MED12L: variants seen among roughly 807,000 people sequenced by gnomAD.
The protein encoded by MED12L is mediator complex subunit 12L, also known as mediator of RNA polymerase II transcription subunit 12-like protein.
A neutral mutation model predicts 281.3 loss-of-function variants in MED12L; 60 were observed. The ratio of observed to expected loss-of-function variants is 0.21; its 90% CI spans 0.17 to 0.26. MED12L has a LOEUF of 0.26. Ranked by LOEUF, MED12L falls within the 10% of genes least tolerant of loss-of-function variation. The pLI, the probability that MED12L is intolerant of heterozygous loss-of-function variation, is 1.00. For missense variants in MED12L, 2,146 were observed against 2,680.9 expected (o/e 0.80, Z 4.41); for synonymous variants, 974 against 987.2 (o/e 0.99, Z 0.25).
intron 39 of MED12L, among the ~76,000 whole-genome samples, chr3:151,398,981 C>T (rs1035186300): frequency 2.6e-5 from 4 of 152,098 alleles, no homozygotes; most frequent in Admixed American, 1.3e-4. Context: ...CACCTGTTTT[C>T]GGACTGCAGT....
At position 151,384,150 on chromosome 3, in the gene MED12L, T is replaced by A. The variant is rs779442885; in HGVS notation, c.4858T>A (p.Ser1620Thr). The change falls in exon 35 of 45, where the codon TCA becomes ACA. Residue 1620 changes from serine to threonine, a missense_variant. By Grantham distance (58) the Ser-to-Thr change is moderately conservative (BLOSUM62 1). Transcript: ENST00000687756. The part of the protein sequence containing the change: ...LINGTLASDL[S>T]NASPGGSEEN... ...CAATGGAACGTTAGCCTCTGACCTA[T>A]CAAATGCATCCCCTGGGGGATCTGA... 6.2e-7 allele frequency: 1 copy of A among 1,614,036 alleles called. No homozygotes were observed.
intron 2 of MED12L, among the ~76,000 whole-genome samples, chr3:151,113,524 AG>A (rs1712250629): frequency 6.6e-6 from 1 of 152,190 alleles, no homozygotes; most frequent in African/African-American, 2.4e-5. Flanking sequence ...AGTGGCCTTC[AG>A]GGGGCAAGGG....
intron 16 of MED12L, among the ~76,000 whole-genome samples, chr3:151,236,316 A>G (rs916434286): frequency 3.9e-5 from 6 of 152,246 alleles, no homozygotes; most frequent in East Asian, 1.9e-4. Flanking sequence ...TGCCACTTCA[A>G]TGTGCATAGT....
intron 39 of MED12L, among the ~76,000 whole-genome samples, chr3:151,407,123 A>G (rs1010777573): frequency 6.6e-6 from 1 of 152,114 alleles, no homozygotes; most frequent in Non-Finnish European, 1.5e-5. Context: ...TTAAATTCCC[A>G]TGATCTCAAC....
At chr3:151,220,581 G>A (rs1729150203) in intron 16 of MED12L, among the ~76,000 whole-genome samples, 1 of 152,178 alleles carries the variant, frequency 6.6e-6, no homozygotes, top group Non-Finnish European at 1.5e-5. Context: ...GGGTCTTTCT[G>A]TGCTGTTCTT....
intron 16 of MED12L, among the ~76,000 whole-genome samples, chr3:151,246,187 C>T (rs1735419004): frequency 6.6e-6 from 1 of 152,092 alleles, no homozygotes; most frequent in Non-Finnish European, 1.5e-5. Flanking sequence ...TGAAAATGGC[C>T]ATACTGCTCA....
Position 151,288,830 on chromosome 3 carries a change from A to G in MED12L, c.2251-61229A>G, listed in dbSNP as rs113848644. On this transcript the variant is annotated intron_variant, in intron 16 of 44. Coordinates refer to ENST00000687756, the MANE Select transcript of MED12L (RefSeq NM_001393769.1). Reference sequence around the variant, plus strand: ...TGTAAGTAGTTGCATAAAGCTATCAAACTTAATTGATAGCTCTCCAGTTCG... The same window carrying G: ...TGTAAGTAGTTGCATAAAGCTATCAGACTTAATTGATAGCTCTCCAGTTCG... 3.5e-3 allele frequency among the ~76,000 whole-genome samples: 505 copies of G among 144,286 alleles called. 3 individuals are homozygous for G. Among genetic ancestry groups the G allele is most frequent in the African/African-American group, 0.012 (483 of 38,888 alleles). 94.7% of individuals were successfully genotyped at this position (144,286 alleles called of 152,430 possible).
intron 16 of MED12L, among the ~76,000 whole-genome samples, chr3:151,298,695 C>T (rs572762765): frequency 4.3e-4 from 66 of 152,020 alleles, no homozygotes; most frequent in Admixed American, 9.2e-4. Context: ...CTGTCTTTGC[C>T]GGGGGGAATA....
intron 20 of MED12L, among the ~76,000 whole-genome samples, chr3:151,358,280 C>T (rs921695365): frequency 2.6e-5 from 4 of 152,022 alleles, no homozygotes; most frequent in African/African-American, 9.7e-5. Flanking sequence ...AGAATATTTA[C>T]ATATTAGAAT....
intron 5 of MED12L, 69 bp downstream of exon 5, chr3:151,128,053 T>A: frequency 6.7e-6 from 9 of 1,352,630 alleles, no homozygotes; most frequent in Non-Finnish European, 9.4e-6. Flanking sequence ...GCCTGTACCC[T>A]CTGGATACAG....
At chr3:151,177,360 G>T (rs1350516638) in intron 11 of MED12L, among the ~76,000 whole-genome samples, 2 of 152,176 alleles carry the variant, frequency 1.3e-5, no homozygotes, top group African/African-American at 2.4e-5. Context: ...TTGGAATTAG[G>T]ACAGCCTAGT....
At chr3:151,198,839 A>G (rs545638702) in intron 16 of MED12L, 1 of 1,613,620 alleles carries the variant, frequency 6.2e-7, no homozygotes, top group Non-Finnish European at 8.5e-7. Context: ...TGCTACACAT[A>G]TGAAATTTGT....
chr3:151,130,992 A>G (rs1352387776), intron 5 of MED12L, among the ~76,000 whole-genome samples: 3 of 152,194 alleles, frequency 2.0e-5, no homozygotes, highest in African/African-American at 4.8e-5. Flanking sequence ...TTTAAAATAA[A>G]TAAATGAATA....
At chr3:151,295,165 G>C in intron 16 of MED12L, 1 of 1,612,090 alleles carries the variant, frequency 6.2e-7, no homozygotes, top group Non-Finnish European at 8.5e-7. Flanking sequence ...CTGGCCCGTC[G>C]CTCCTGTTGC....
chr3:151,318,314 A>G (rs1748555322), intron 16 of MED12L, among the ~76,000 whole-genome samples: 1 of 151,122 alleles, frequency 6.6e-6, no homozygotes, highest in Non-Finnish European at 1.5e-5. Flanking sequence ...GCTATTTTAT[A>G]CTTCCCCATT....
chr3:151,321,508 A>T (rs530163257), intron 16 of MED12L, among the ~76,000 whole-genome samples: 2 of 152,156 alleles, frequency 1.3e-5, no homozygotes, highest in African/African-American at 2.4e-5. Context: ...TAAAGCTAAT[A>T]TTTTTTTTAA....
At chr3:151,317,436 CTTTTTTTTTTTTTTTTTT>C (rs1164820615) in intron 16 of MED12L, among the ~76,000 whole-genome samples, 2 of 58,742 alleles carry the variant, frequency 3.4e-5, no homozygotes, top group East Asian at 1.2e-3. Flanking sequence ...AATCATATCA[CTTTTTTTTTTTTTTTTTT>C]TTTTTTTTTT....
intron 16 of MED12L, among the ~76,000 whole-genome samples, chr3:151,270,493 C>T (rs10935833): frequency 0.27 from 40,804 of 151,822 alleles, 5,696 homozygotes; most frequent in South Asian, 0.31. Flanking sequence ...TGCTAAGCCC[C>T]TGTGTATTAG....
intron 5 of MED12L, among the ~76,000 whole-genome samples, chr3:151,138,177 C>T (rs1223612958): frequency 6.6e-6 from 1 of 151,810 alleles, no homozygotes; most frequent in Non-Finnish European, 1.5e-5. Flanking sequence ...GGATACCTTG[C>T]CTTTTTTTTT....
Sources: allele counts gnomAD v4.1 joint callset (sites outside exome capture counted in the v4.1 genomes callset), GRCh38; gene constraint gnomAD v4.1.1; transcripts MANE v1.5; gene names NCBI Gene and HGNC (gene_info 2026-07-23, HGNC 2026-07-21).